Variants in AJAP1 observed in about 807,000 individuals in gnomAD.
The protein encoded by AJAP1 is adherens junction-associated protein 1.
A neutral mutation model predicts 35.0 loss-of-function variants in AJAP1; 5 were observed. That is an observed-to-expected ratio of 0.14 (90% CI 0.07 to 0.30). The LOEUF is 0.30. Among genes scored for constraint, AJAP1 ranks in the 10% least tolerant of loss-of-function variants. The probability of loss-of-function intolerance (pLI) is 1.00; values close to 1 mark genes in which losing one functional copy is unlikely to be tolerated. For missense variants in AJAP1, 586 were observed against 571.0 expected (o/e 1.03, Z -0.27); for synonymous variants, 284 against 249.3 (o/e 1.14, Z -1.31).
chr1:4,778,366 GA>G (rs1458800112), intron 5 of AJAP1, among the ~76,000 whole-genome samples: 1 of 152,190 alleles, frequency 6.6e-6, no homozygotes, highest in African/African-American at 2.4e-5. Flanking sequence ...GTGCCAAGAT[GA>G]GAGGCTCACG....
At chr1:4,673,477 A>T (rs1385035339) in intron 1 of AJAP1, among the ~76,000 whole-genome samples, 17 of 152,146 alleles carry the variant, frequency 1.1e-4, no homozygotes, top group Admixed American at 1.1e-3. Context: ...GACAATTGTA[A>T]ACAGGTGAGA....
chr1:4,712,175 A>T lies in AJAP1; in HGVS notation c.305A>T (p.His102Leu). The change falls in exon 2 of 6, where the codon CAC (histidine) becomes CTC (leucine). Residue 102 changes from histidine (H) to leucine (L), a missense_variant. His to Leu is a moderately conservative substitution (Grantham distance 99). Transcript: ENST00000378191. ...QMQMPRARRA[H>L]RPRDQAAALV... ...CAGATGCCTCGAGCCAGACGGGCCC[A>T]CAGGCCCCGGGACCAGGCGGCCGCC... 1.3e-6 allele frequency: 2 copies of T among 1,565,174 alleles called. No homozygotes were observed. The highest frequency in any genetic ancestry group is 2.7e-5 in the African/African-American group (2 of 73,558).
intron 1 of AJAP1, among the ~76,000 whole-genome samples, chr1:4,682,829 GTGTTGGTGATGGTGATGATGGTGA>G (rs1639513567): frequency 1.4e-5 from 2 of 146,634 alleles, no homozygotes; most frequent in African/African-American, 5.5e-5. Context: ...GATACTGGTG[GTGTTGGTGATGGTGATGATGGTGA>G]TGGTGGTGAT....
intron 2 of AJAP1, among the ~76,000 whole-genome samples, chr1:4,715,696 G>A (rs1640372053): frequency 6.6e-6 from 1 of 152,012 alleles, no homozygotes; most frequent in African/African-American, 2.4e-5. Context: ...AAAAAAAAAA[G>A]AAATATTTTT....
At position 4,714,523 on chromosome 1, in the gene AJAP1, T is replaced by C. The variant is rs1437745090; in HGVS notation, c.829+1824T>C. 2.0e-5 allele frequency among the ~76,000 whole-genome samples: 3 copies of C among 152,250 alleles called. No homozygotes were observed. In the East Asian group the frequency reaches 5.8e-4, roughly 29 times the overall value. Reference sequence around the variant, plus strand: ...TATTCCAAATTACATTTGTTATTACTAAAGTTAAACACCCGGGACAGCGTT... The same window carrying C: ...TATTCCAAATTACATTTGTTATTACCAAAGTTAAACACCCGGGACAGCGTT... On this transcript the variant is annotated intron_variant, in intron 2 of 5. Coordinates refer to ENST00000378191, the MANE Select transcript of AJAP1 (RefSeq NM_018836.4).
chr1:4,736,451 A>G (rs1267628800), intron 2 of AJAP1, among the ~76,000 whole-genome samples: 1 of 152,202 alleles, frequency 6.6e-6, no homozygotes, highest in Non-Finnish European at 1.5e-5. Context: ...ACCAGCCACA[A>G]GTACTTCCCC....
intron 2 of AJAP1, among the ~76,000 whole-genome samples, chr1:4,735,308 T>C (rs1047397659): frequency 1.3e-5 from 2 of 152,178 alleles, no homozygotes; most frequent in African/African-American, 4.8e-5. Flanking sequence ...GGGAGAGAAG[T>C]CATCCCTGGA....
intron 2 of AJAP1, among the ~76,000 whole-genome samples, chr1:4,713,321 T>G (rs1043593837): frequency 2.0e-5 from 3 of 152,200 alleles, no homozygotes; most frequent in Non-Finnish European, 4.4e-5. Context: ...ACCTTTCGGC[T>G]CCCTGGGGAT....
At chr1:4,722,638 G>T (rs1640548987) in intron 2 of AJAP1, among the ~76,000 whole-genome samples, 2 of 152,214 alleles carry the variant, frequency 1.3e-5, no homozygotes, top group South Asian at 4.1e-4. Context: ...CCCTCCGGAG[G>T]CCCTGGGTGA....
At chr1:4,765,276 C>T (rs945271896) in intron 2 of AJAP1, among the ~76,000 whole-genome samples, 7 of 152,168 alleles carry the variant, frequency 4.6e-5, no homozygotes, top group Non-Finnish European at 1.0e-4. Context: ...TTTGTTCCTT[C>T]CTTGGGGGCA....
At chr1:4,677,240 G>A (rs1158106722) in intron 1 of AJAP1, among the ~76,000 whole-genome samples, 2 of 152,140 alleles carry the variant, frequency 1.3e-5, no homozygotes, top group East Asian at 3.9e-4. Flanking sequence ...GGTAAGTCTG[G>A]GTAAGTGACA....
intron 1 of AJAP1, among the ~76,000 whole-genome samples, chr1:4,672,311 G>A (rs531865180): frequency 1.2e-4 from 19 of 152,286 alleles, no homozygotes; most frequent in South Asian, 1.0e-3. Context: ...ATTCCGCTAG[G>A]AGCCCTGAAG....
At chr1:4,700,784 T>G (rs1230545595) in intron 1 of AJAP1, among the ~76,000 whole-genome samples, 1 of 152,142 alleles carries the variant, frequency 6.6e-6, no homozygotes, top group East Asian at 1.9e-4. Context: ...ACATCCTGAG[T>G]GCTGCCCAGA....
At chr1:4,765,433 A>T (rs887366412) in intron 2 of AJAP1, among the ~76,000 whole-genome samples, 2 of 151,516 alleles carry the variant, frequency 1.3e-5, no homozygotes, top group Non-Finnish European at 2.9e-5. Context: ...TAGCCACCAG[A>T]GACTTGACCA....
At chr1:4,690,451 CA>C (rs1261347399) in intron 1 of AJAP1, among the ~76,000 whole-genome samples, 1 of 152,216 alleles carries the variant, frequency 6.6e-6, no homozygotes, top group African/African-American at 2.4e-5. Flanking sequence ...CATGGAGCCA[CA>C]ACCAGGAGCT....
chr1:4,658,659 C>T (rs938019591), intron 1 of AJAP1, among the ~76,000 whole-genome samples: 2 of 152,178 alleles, frequency 1.3e-5, no homozygotes, highest in Non-Finnish European at 2.9e-5. Context: ...TCGGTACATA[C>T]CCCCCTTTCA....
chr1:4,674,006 A>G (rs1441260274), intron 1 of AJAP1, among the ~76,000 whole-genome samples: 1 of 135,870 alleles, frequency 7.4e-6, no homozygotes, highest in Non-Finnish European at 1.5e-5. Context: ...ACTATGTTCC[A>G]GGTTTTGCAT....
intron 2 of AJAP1, among the ~76,000 whole-genome samples, chr1:4,744,645 ACACACAC>A (rs1348706198): frequency 1.3e-5 from 2 of 151,690 alleles, no homozygotes; most frequent in Non-Finnish European, 2.9e-5. Context: ...ACACACACAC[ACACACAC>A]ATTCATGCCC....
At chr1:4,737,831 G>T (rs1470756968) in intron 2 of AJAP1, among the ~76,000 whole-genome samples, 1 of 152,208 alleles carries the variant, frequency 6.6e-6, no homozygotes, top group African/African-American at 2.4e-5. Flanking sequence ...GAGCCCAGAA[G>T]ATTGAGGCTG....
Sources: allele counts gnomAD v4.1 joint callset (sites outside exome capture counted in the v4.1 genomes callset), GRCh38; gene constraint gnomAD v4.1.1; transcripts MANE v1.5; gene names NCBI Gene and HGNC (gene_info 2026-07-23, HGNC 2026-07-21).